TGFBR3: variants seen among roughly 807,000 people sequenced by gnomAD.
TGFBR3 encodes transforming growth factor beta receptor 3, also known as transforming growth factor beta receptor type 3.
TGFBR3 carries 46 observed loss-of-function variants against 87.9 expected under a neutral mutation model. The observed-to-expected ratio is 0.52, with a 90% CI of 0.41 to 0.67. The LOEUF (loss-of-function observed/expected upper bound fraction) is 0.67, where lower values mean the gene tolerates loss of function less well. Ranked by LOEUF, TGFBR3 falls within the 30% of genes least tolerant of loss-of-function variation. The probability of loss-of-function intolerance (pLI) is 0.00; values close to 1 mark genes in which losing one functional copy is unlikely to be tolerated. For synonymous variants in TGFBR3, 381 were observed against 391.6 expected, an observed-to-expected ratio of 0.97 and a Z score of 0.32; for missense variants, 866 against 1,041.9, an observed-to-expected ratio of 0.83 and a Z score of 2.32.
At chr1:91,693,657 T>C (rs1386157935) in intron 16 of TGFBR3, among the ~76,000 whole-genome samples, 1 of 152,102 alleles carries the variant, frequency 6.6e-6, no homozygotes, top group Non-Finnish European at 1.5e-5. Flanking sequence ...AGATTAGCTA[T>C]GAGAGTGCAG....
At chr1:91,900,239 G>A (rs1032395300) in intron 1 of TGFBR3, among the ~76,000 whole-genome samples, 13 of 152,076 alleles carry the variant, frequency 8.5e-5, no homozygotes, top group African/African-American at 3.1e-4. Flanking sequence ...TCAGCCTCCC[G>A]AGTACCTGGG....
intron 16 of TGFBR3, among the ~76,000 whole-genome samples, chr1:91,694,831 G>A (rs1009010225): frequency 6.6e-6 from 1 of 152,162 alleles, no homozygotes; most frequent in African/African-American, 2.4e-5. Flanking sequence ...GAACAAGACC[G>A]ATTTTATACA....
intron 3 of TGFBR3, 101 bp from the exon 4 acceptor site, chr1:91,758,851 C>T: frequency 7.3e-7 from 1 of 1,373,368 alleles, no homozygotes; most frequent in Non-Finnish European, 1.0e-6. Flanking sequence ...TCACTATCAA[C>T]AGAAACAAGC....
chr1:91,845,433 A>C (rs552978236), intron 2 of TGFBR3, among the ~76,000 whole-genome samples: 1 of 152,236 alleles, frequency 6.6e-6, no homozygotes, highest in South Asian at 2.1e-4. Context: ...TGGCTTTTAG[A>C]TAAGTCTGAA....
At chr1:91,815,254 A>T (rs1676175430) in intron 2 of TGFBR3, among the ~76,000 whole-genome samples, 1 of 131,662 alleles carries the variant, frequency 7.6e-6, no homozygotes, top group Non-Finnish European at 1.6e-5. Context: ...GTGAGCTGGG[A>T]TCGCACCACT....
In TGFBR3 at chr1:91,798,200, A is replaced by C. The variant is rs75317695; in HGVS notation, c.62-729T>G. Among the ~76,000 whole-genome samples the C allele has an allele frequency of 7.5e-3, 1,144 of 152,284 alleles. 9 individuals carry two copies. The highest frequency in any genetic ancestry group is 0.012 in the Non-Finnish European group (814 of 68,020). On this transcript the variant is annotated intron_variant, in intron 2 of 16. Transcript: ENST00000212355. Reference sequence around the variant, plus strand: ...GACAATTACAAACCTTCCTGAACGGAGTCTGAGGACTCAAGCTCTGCATGC... The same window carrying C: ...GACAATTACAAACCTTCCTGAACGGCGTCTGAGGACTCAAGCTCTGCATGC...
chr1:91,770,193 C>T (rs1674326884), intron 3 of TGFBR3, among the ~76,000 whole-genome samples: 1 of 151,592 alleles, frequency 6.6e-6, no homozygotes. Context: ...AGTTACCCTG[C>T]CCATGCTAGA....
At chr1:91,897,910 G>A (rs915550832) in intron 2 of TGFBR3, among the ~76,000 whole-genome samples, 8 of 151,808 alleles carry the variant, frequency 5.3e-5, no homozygotes, top group South Asian at 2.1e-4. Flanking sequence ...TATTACAGCC[G>A]GGCATCATGG....
At chr1:91,859,177 G>C (rs983667528) in intron 2 of TGFBR3, among the ~76,000 whole-genome samples, 1 of 152,014 alleles carries the variant, frequency 6.6e-6, no homozygotes, top group Non-Finnish European at 1.5e-5. Context: ...GCTTCAAATA[G>C]GAAAGGAAGA....
At chr1:91,786,706 G>A (rs556745701) in intron 3 of TGFBR3, among the ~76,000 whole-genome samples, 9 of 151,342 alleles carry the variant, frequency 5.9e-5, no homozygotes, top group East Asian at 5.9e-4. Context: ...AACCAAGATC[G>A]CGCCAATGCA....
At chr1:91,715,925 A>G (rs1463600019) in intron 12 of TGFBR3, among the ~76,000 whole-genome samples, 1 of 152,200 alleles carries the variant, frequency 6.6e-6, no homozygotes, top group Non-Finnish European at 1.5e-5. Flanking sequence ...TAACACTGCA[A>G]CTACTGAACT....
chr1:91,719,974 C>T lies in TGFBR3; in HGVS notation c.1332G>A (p.Val444=). 1.2e-6 allele frequency: 2 copies of T among 1,614,188 alleles called. No individual in the cohort carries two copies. The highest frequency in any genetic ancestry group is 2.2e-5 in the East Asian group (1 of 44,882). ...LFPGLREPEE[V]QGSVDIALSV... is the part of the protein sequence containing the mutation. Reference sequence around the variant, plus strand: ...ACAGGGCAATATCCACGCTCCCTTGCACCTCTTCTGGCTCTCTGAGACCAG... The same window carrying T: ...ACAGGGCAATATCCACGCTCCCTTGTACCTCTTCTGGCTCTCTGAGACCAG... The change falls in exon 9 of 17, where the codon GTG becomes GTA. Residue 444 remains valine (V), a synonymous_variant. Coordinates refer to ENST00000212355, the MANE Select transcript of TGFBR3 (RefSeq NM_003243.5).
chr1:91,819,185 T>G (rs1452969938), intron 2 of TGFBR3, among the ~76,000 whole-genome samples: 1 of 152,114 alleles, frequency 6.6e-6, no homozygotes, highest in Non-Finnish European at 1.5e-5. Context: ...CTGGCCAACA[T>G]GGTGAAACCG....
chr1:91,754,247 T>C (rs916659320), intron 4 of TGFBR3, among the ~76,000 whole-genome samples: 7 of 152,210 alleles, frequency 4.6e-5, no homozygotes, highest in Non-Finnish European at 8.8e-5. Flanking sequence ...GGTTCAGGCA[T>C]CATCACCCAG....
intron 3 of TGFBR3, among the ~76,000 whole-genome samples, chr1:91,779,870 CA>C (rs1261772180): frequency 1.3e-5 from 2 of 152,142 alleles, no homozygotes; most frequent in African/African-American, 4.8e-5. Flanking sequence ...ATTGCTAGGC[CA>C]AAACCAAGGT....
At chr1:91,692,636 C>G (rs1019437337) in intron 16 of TGFBR3, among the ~76,000 whole-genome samples, 1 of 152,090 alleles carries the variant, frequency 6.6e-6, no homozygotes, top group African/African-American at 2.4e-5. Flanking sequence ...ACCATTTCAG[C>G]CCCCAAGCAC....
intron 2 of TGFBR3, among the ~76,000 whole-genome samples, chr1:91,823,345 T>A (rs927774203): frequency 2.2e-4 from 34 of 152,204 alleles, no homozygotes; most frequent in African/African-American, 8.2e-4. Flanking sequence ...TAAAGTTACA[T>A]ACAACTCAGC....
chr1:91,891,971 T>A (rs1435303697), intron 2 of TGFBR3, among the ~76,000 whole-genome samples: 2 of 152,094 alleles, frequency 1.3e-5, no homozygotes, highest in Admixed American at 1.3e-4. Flanking sequence ...AAAAATACAA[T>A]CAGATGAACC....
At chr1:91,722,216 T>A (rs1230868582) in intron 7 of TGFBR3, 72 bp from the exon 8 acceptor site, 2 of 1,191,436 alleles carry the variant, frequency 1.7e-6, no homozygotes, top group Non-Finnish European at 2.4e-6. Context: ...AAATTAAATA[T>A]CTTAAATAAG....
Sources: allele counts gnomAD v4.1 joint callset (sites outside exome capture counted in the v4.1 genomes callset), GRCh38; gene constraint gnomAD v4.1.1; transcripts MANE v1.5; gene names NCBI Gene and HGNC (gene_info 2026-07-23, HGNC 2026-07-21).